Variants in CDC6 observed in about 807,000 individuals in gnomAD.
The protein encoded by CDC6 is cell division cycle 6, also known as DNA replication factor CDC6.
CDC6 carries 46 observed loss-of-function variants against 60.2 expected under a neutral mutation model. That is an observed-to-expected ratio of 0.76 (90% CI 0.60 to 0.98). The LOEUF is 0.98. Ranked by LOEUF, CDC6 falls within the 50% of genes least tolerant of loss-of-function variation. CDC6 has a pLI of 0.00. For missense variants in CDC6, 596 were observed against 652.9 expected, an observed-to-expected ratio of 0.91 and a Z score of 0.95; for synonymous variants, 210 against 233.2, an observed-to-expected ratio of 0.90 and a Z score of 0.90.
intron 9 of CDC6, among the ~76,000 whole-genome samples, chr17:40,297,842 G>A (rs910495039): frequency 6.6e-6 from 1 of 152,192 alleles, no homozygotes; most frequent in Non-Finnish European, 1.5e-5. Context: ...CTAGAGGGTA[G>A]AGGTAAAAAG....
chr17:40,291,805 GC>G (rs1338515775), intron 4 of CDC6, 137 bp downstream of exon 4: 1 of 854,062 alleles, frequency 1.2e-6, no homozygotes, highest in African/African-American at 1.7e-5. Flanking sequence ...TAGTGCAGTG[GC>G]GCGATCTCGG....
intron 2 of CDC6, 144 bp downstream of exon 2, chr17:40,289,742 TCC>T: frequency 1.6e-6 from 1 of 637,702 alleles, no homozygotes; most frequent in African/African-American, 2.0e-5. Flanking sequence ...AGAGTCTCGC[TCC>T]ATCTCCCAGG....
chr17:40,302,582 T>G lies in CDC6; in HGVS notation c.*581T>G, dbSNP rs1417106238. On this transcript the variant is annotated 3_prime_UTR_variant, in exon 12 of 12. Transcript: ENST00000209728. ...GTTGGCCAGGCTGGTCTTGAACTCC[T>G]GACCCTCAAGTGATCTGCCCACCTT... 4 of 153,706 alleles carry G rather than the reference T, an allele frequency of 2.6e-5. No individual in the cohort carries two copies. The highest frequency in any genetic ancestry group is 9.7e-5 in the African/African-American group (4 of 41,448). The allele number at this position is 153,706 out of a possible 1,614,324, so 9.5% of individuals were successfully genotyped here.
chr17:40,293,854 G>C, intron 5 of CDC6, 96 bp from the exon 6 acceptor site: 4 of 1,082,870 alleles, frequency 3.7e-6, no homozygotes, highest in East Asian at 2.4e-5. Context: ...CTTTAAACTG[G>C]TCTCAGCTTT....
intron 2 of CDC6, 29 bp downstream of exon 2, chr17:40,289,627 C>T (rs751028996): frequency 1.3e-6 from 2 of 1,584,344 alleles, no homozygotes; most frequent in East Asian, 4.5e-5. Context: ...CACTTTTTCA[C>T]TAGCAGCTCG....
Position 40,289,417 on chromosome 17 carries a change from C to A in CDC6, c.-4C>A. 6.2e-7 allele frequency: 1 copy of A among 1,613,320 alleles called. No homozygotes were observed. The highest frequency in any genetic ancestry group is 1.1e-5 in the South Asian group (1 of 91,010). On this transcript the variant is annotated 5_prime_UTR_variant, in exon 2 of 12. Transcript: ENST00000209728. ...ATTTTTTTTAATCTAGCTGTGCTGT[C>A]GTCATGCCTCAAACCCGATCCCAGG...
rs1291610876 is a variant in CDC6, at chr17:40,289,513, T to C, written c.93T>C (p.Asp31=). 1 of 1,614,038 alleles carries C rather than the reference T, an allele frequency of 6.2e-7. No individual in the cohort carries two copies. Among genetic ancestry groups the C allele is most frequent in the Admixed American group, 1.7e-5 (1 of 60,006 alleles). Residue 31 remains aspartate (D), a synonymous_variant, in exon 2 of 12, where the codon GAT becomes GAC. Transcript: ENST00000209728. ...RALNKAKNSS[D]AKLEPTNVQT... Reference sequence around the variant, plus strand: ...TGAACAAAGCTAAAAACTCCAGTGATGCCAAACTAGAACCAACAAATGTCC... The same window carrying C: ...TGAACAAAGCTAAAAACTCCAGTGACGCCAAACTAGAACCAACAAATGTCC...
Position 40,293,861 on chromosome 17 carries a change from C to T in CDC6, c.837-89C>T. 10 of 1,177,348 alleles carry T rather than the reference C, an allele frequency of 8.5e-6. 1 individual carries two copies. Among genetic ancestry groups the T allele is most frequent in the Middle Eastern group, 3.8e-4 (2 of 5,212 alleles). 72.9% of individuals were successfully genotyped at this position (1,177,348 alleles called of 1,614,324 possible). A position where few individuals can be genotyped will look rare whatever the true frequency, so the allele number is the denominator to read the frequency against. On this transcript the variant is annotated intron_variant, in intron 5 of 11. Transcript: ENST00000209728. ...ATTATGATCTTTAAACTGGTCTCAG[C>T]TTTAGGAAAGTGACCTGAAGTCAGC...
chr17:40,291,145 A>G lies in CDC6; in HGVS notation c.266A>G (p.His89Arg), dbSNP rs373194490. 1.3e-5 allele frequency: 21 copies of G among 1,614,076 alleles called. No homozygotes were observed. The African/African-American group carries it at 2.1e-4, about 16-fold the overall frequency. ...AAAGAGAATGGTCCCCCTCACTCAC[A>G]TACACTTAAGGGACGAAGATTGGTA... is the stretch of plus-strand genomic sequence containing the variant. ...GKKENGPPHS[H>R]TLKGRRLVFD... is the part of the protein sequence containing the mutation. Residue 89 changes from histidine (H) to arginine (R), a missense_variant, in exon 3 of 12, where the codon CAT becomes CGT. Coordinates refer to ENST00000209728, the MANE Select transcript of CDC6 (RefSeq NM_001254.4).
intron 9 of CDC6, among the ~76,000 whole-genome samples, chr17:40,297,928 T>C (rs1323725491): frequency 2.0e-5 from 3 of 152,242 alleles, no homozygotes; most frequent in African/African-American, 7.2e-5. Flanking sequence ...CTTGTTTTGG[T>C]TGTGGCAAAT....
At chr17:40,291,432 T>C (rs2032760184) in intron 3 of CDC6, 37 bp from the exon 4 acceptor site, 1 of 1,613,062 alleles carries the variant, frequency 6.2e-7, no homozygotes. Flanking sequence ...TCATTCACCT[T>C]CTGTTGTGTC....
intron 9 of CDC6, among the ~76,000 whole-genome samples, chr17:40,299,999 TGTC>T (rs1736089194): frequency 6.6e-6 from 1 of 152,006 alleles, no homozygotes; most frequent in African/African-American, 2.4e-5. Context: ...GTTTCACTCT[TGTC>T]GTCCAGGCTG....
rs2046239570 is a variant in CDC6 at position 40,289,206 on chromosome 17, G to A, written c.-13-202G>A. The A allele has an allele frequency of 5.7e-6, 3 of 528,600 alleles. No homozygotes were observed. In the Admixed American group the frequency reaches 8.6e-5, roughly 15 times the overall value. The allele number at this position is 528,600 out of a possible 1,614,324, so 32.7% of individuals were successfully genotyped here. On this transcript the variant is annotated intron_variant, in intron 1 of 11. Transcript: ENST00000209728. ...TGGTACCTAAAGTGTTTATAACAGC[G>A]CCCTTCCACGTAGTAGGTAGACAAC...
chr17:40,292,945 T>A (rs1054228421), intron 4 of CDC6, among the ~76,000 whole-genome samples: 1 of 146,614 alleles, frequency 6.8e-6, no homozygotes, highest in African/African-American at 2.5e-5. Flanking sequence ...AAAAAAGAGT[T>A]AAGAAAGAGT....
intron 9 of CDC6, among the ~76,000 whole-genome samples, chr17:40,298,256 C>T (rs1164992753): frequency 1.3e-5 from 2 of 152,110 alleles, no homozygotes; most frequent in African/African-American, 4.8e-5. Context: ...CCTTTTCCTC[C>T]TCCTTTTTCC....
chr17:40,298,669 T>G (rs529026314), intron 9 of CDC6, among the ~76,000 whole-genome samples: 2 of 152,234 alleles, frequency 1.3e-5, no homozygotes, highest in South Asian at 4.2e-4. Context: ...TCCCACAGCT[T>G]TGGAATTACA....
Position 40,304,501 on chromosome 17 carries a change from C to G in CDC6, c.*2500C>G, listed in dbSNP as rs1304755945. ...TTCACTTAGAGTAGTGGCAAAGATG[C>G]TGACCTACATTCTTCCTTTTGAAGG... On this transcript the variant is annotated 3_prime_UTR_variant, in exon 12 of 12. Coordinates refer to ENST00000209728, the MANE Select transcript of CDC6 (RefSeq NM_001254.4). 6.6e-6 allele frequency: 1 copy of G among 152,224 alleles called. No individual in the cohort carries two copies. 9.4% of individuals were successfully genotyped at this position (152,224 alleles called of 1,614,324 possible). A position where few individuals can be genotyped will look rare whatever the true frequency, so the allele number is the denominator to read the frequency against.
In CDC6 at chr17:40,302,156, A is replaced by G. The variant is rs2032949535; in HGVS notation, c.*155A>G. ...AATCTATAGATTCTTTAATATTAGC[A>G]CAGAATAATATCTTTGGGTCTTACT... On this transcript the variant is annotated 3_prime_UTR_variant, in exon 12 of 12. Transcript: ENST00000209728. 4 of 671,674 alleles carry G rather than the reference A, an allele frequency of 6.0e-6. No homozygotes were observed. The highest frequency in any genetic ancestry group is 4.9e-5 in the South Asian group (3 of 61,796). The allele number at this position is 671,674 out of a possible 1,614,324, so 41.6% of individuals were successfully genotyped here. A position where few individuals can be genotyped will look rare whatever the true frequency, so the allele number is the denominator to read the frequency against.
Position 40,293,636 on chromosome 17 carries a change from G to A in CDC6, c.836+5G>A. On this transcript the variant is annotated splice_donor_5th_base_variant and intron_variant, in intron 5 of 11. Transcript: ENST00000209728. The stretch of plus-strand genomic sequence containing the variant: ...TGCAGAGAAGGGCCCCATGATGTAA[G>A]TATTGTTCTGCTTCATGTTGCTCTG... 1 of 1,604,326 alleles carries A rather than the reference G, an allele frequency of 6.2e-7. No individual in the cohort carries two copies. The highest frequency in any genetic ancestry group is 8.5e-7 in the Non-Finnish European group (1 of 1,171,112).
Sources: allele counts gnomAD v4.1 joint callset (sites outside exome capture counted in the v4.1 genomes callset), GRCh38; gene constraint gnomAD v4.1.1; transcripts MANE v1.5; gene names NCBI Gene and HGNC (gene_info 2026-07-23, HGNC 2026-07-21).